The following TCTN1 variants were observed in gnomAD, a reference collection of about 807,000 sequenced individuals.
The protein encoded by TCTN1 is tectonic family member 1.
A neutral mutation model predicts 65.8 loss-of-function variants in TCTN1; 58 were observed. The observed-to-expected ratio is 0.88, with a 90% CI of 0.71 to 1.10. The LOEUF (loss-of-function observed/expected upper bound fraction) is 1.10, where lower values mean the gene tolerates loss of function less well. Ranked by LOEUF, TCTN1 falls within the 50% of genes least tolerant of loss-of-function variation. The probability of loss-of-function intolerance (pLI) is 0.00; values close to 1 mark genes in which losing one functional copy is unlikely to be tolerated. For synonymous variants in TCTN1, 273 were observed against 289.1 expected, an observed-to-expected ratio of 0.94 and a Z score of 0.57; for missense variants, 645 against 719.4, an observed-to-expected ratio of 0.90 and a Z score of 1.18.
rs1172676760 is a variant in TCTN1 at position 110,626,551 on chromosome 12, G to T, written c.472+59G>T. 1.1e-5 allele frequency: 16 copies of T among 1,498,606 alleles called. No individual in the cohort carries two copies. The Admixed American group carries it at 2.3e-4, about 21-fold the overall frequency. 92.8% of individuals were successfully genotyped at this position (1,498,606 alleles called of 1,614,324 possible). On this transcript the variant is annotated intron_variant, in intron 3 of 14. Coordinates refer to ENST00000397659, the MANE Select transcript of TCTN1 (RefSeq NM_001082538.3). Reference sequence around the variant, plus strand: ...TCTGGAAAATTTTTCTCAAAGTTATGGAAAAATGTGTCAGATTTATTTTAT... The same window carrying T: ...TCTGGAAAATTTTTCTCAAAGTTATTGAAAAATGTGTCAGATTTATTTTAT...
At chr12:110,638,612 G>C (rs2066741089) in intron 7 of TCTN1, among the ~76,000 whole-genome samples, 1 of 152,174 alleles carries the variant, frequency 6.6e-6, no homozygotes, top group African/African-American at 2.4e-5. Flanking sequence ...CAGCGCTACT[G>C]TTTCCTTCTC....
rs150184643 is a variant in TCTN1, at chr12:110,639,035, G to A, written c.844-1348G>A. On this transcript the variant is annotated intron_variant, in intron 7 of 14. Coordinates refer to ENST00000397659, the MANE Select transcript of TCTN1 (RefSeq NM_001082538.3). This position sits in a 1 kb window ranked among gnomAD's most constrained non-coding sequence, Gnocchi z 4.9. ...TTTCTTCTATGAGAGGTTTTGACTC[G>A]CAGGTCTTCTTGGTCATGGGAGCAG... Among the ~76,000 whole-genome samples, 6 of 152,274 alleles carry A rather than the reference G, an allele frequency of 3.9e-5. No homozygotes were observed. The highest frequency in any genetic ancestry group is 1.9e-4 in the East Asian group (1 of 5,182).
rs1026432762 is a variant in TCTN1, at chr12:110,645,326, G to A, written c.1494+197G>A. ...AGCAGTTTTATGGCTTTGAGCCTCT[G>A]TTTTCATCTGTGAAATGGGAACGCT... On this transcript the variant is annotated intron_variant, in intron 12 of 14. Coordinates refer to ENST00000397659, the MANE Select transcript of TCTN1 (RefSeq NM_001082538.3). 1.4e-5 allele frequency: 9 copies of A among 640,902 alleles called. No homozygotes were observed. In the African/African-American group the frequency reaches 1.5e-4, roughly 10 times the overall value. 39.7% of individuals were successfully genotyped at this position (640,902 alleles called of 1,614,324 possible).
intron 4 of TCTN1, chr12:110,630,199 C>T (rs1388160639): frequency 6.6e-6 from 1 of 152,070 alleles, no homozygotes; most frequent in Non-Finnish European, 1.5e-5. Context: ...GTTCTGCACC[C>T]GTTATCCCAG....
intron 14 of TCTN1, among the ~76,000 whole-genome samples, 160 bp downstream of exon 14, chr12:110,648,053 C>T (rs1456702356): frequency 2.0e-5 from 3 of 152,218 alleles, no homozygotes; most frequent in South Asian, 4.2e-4. Context: ...CTCACTGCAG[C>T]CTTGACCTCC....
rs1038407562 is a variant in TCTN1, at chr12:110,639,769, G to A, written c.844-614G>A. On this transcript the variant is annotated intron_variant, in intron 7 of 14. Transcript: ENST00000397659. This position sits in a 1 kb window ranked among gnomAD's most constrained non-coding sequence, Gnocchi z 4.9. ...TTGTGCAACCATCACCACTAATTCCGGAACATTTCCATCACCCCAAAAAGG... is the reference window on the plus strand; with the variant it reads ...TTGTGCAACCATCACCACTAATTCCAGAACATTTCCATCACCCCAAAAAGG... Among the ~76,000 whole-genome samples the A allele has an allele frequency of 3.9e-5, 6 of 152,172 alleles. No individual in the cohort carries two copies. The highest frequency in any genetic ancestry group is 1.2e-4 in the African/African-American group (5 of 41,494).
rs930506676 is a variant in TCTN1 at position 110,644,716 on chromosome 12, C to A, written c.1332-251C>A. 3 of 527,494 alleles carry A rather than the reference C, an allele frequency of 5.7e-6. No individual in the cohort carries two copies. The highest frequency in any genetic ancestry group is 3.8e-5 in the African/African-American group (2 of 52,050). The allele number at this position is 527,494 out of a possible 1,614,324, so 32.7% of individuals were successfully genotyped here. ...AAACCAAAAATCAAAACTTAAAAAA[C>A]AAAAAACTGCTGGTGGGCTGGGTGT... On this transcript the variant is annotated intron_variant, in intron 11 of 14. Coordinates refer to ENST00000397659, the MANE Select transcript of TCTN1 (RefSeq NM_001082538.3). The surrounding 1 kb of genome is among the most constrained non-coding windows in gnomAD (Gnocchi z 4.6).
At chr12:110,620,828 T>A (rs1448581562) in intron 2 of TCTN1, among the ~76,000 whole-genome samples, 11 of 148,710 alleles carry the variant, frequency 7.4e-5, no homozygotes, top group African/African-American at 1.2e-4. Context: ...TTTTTTTTTT[T>A]ATGAGATGGA....
intron 4 of TCTN1, chr12:110,629,321 G>A (rs746227792): frequency 4.7e-6 from 1 of 212,198 alleles, no homozygotes; most frequent in Non-Finnish European, 9.3e-6. Flanking sequence ...CCTACAGAAT[G>A]GGAAAAAATT....
chr12:110,614,446 C>G (rs576724927), intron 1 of TCTN1, 44 bp downstream of exon 1: 3 of 1,563,236 alleles, frequency 1.9e-6, no homozygotes, highest in African/African-American at 2.7e-5. Context: ...GTGATCCAAC[C>G]TCAAGGGGAC....
In TCTN1 at chr12:110,640,477, A is replaced by C. The variant is rs781101415; in HGVS notation, c.938A>C (p.Asn313Thr). 6.2e-7 allele frequency: 1 copy of C among 1,614,218 alleles called. No homozygotes were observed. Among genetic ancestry groups the C allele is most frequent in the Non-Finnish European group, 8.5e-7 (1 of 1,180,052 alleles). The change falls in exon 8 of 15, where the codon AAC (asparagine) becomes ACC (threonine). Residue 313 changes from asparagine (N) to threonine (T), a missense_variant. Coordinates refer to ENST00000397659, the MANE Select transcript of TCTN1 (RefSeq NM_001082538.3). This position sits in a 1 kb window ranked among gnomAD's most constrained non-coding sequence, Gnocchi z 4.9. ...DTDVLQPTLV[N>T]AGHFSLCVNV... ...GATGTGCTGCAGCCGACTCTCGTCA[A>C]CGCTGGACACTTTAGCCTTTGCGTG...
rs2066881916 is a variant in TCTN1 at position 110,640,462 on chromosome 12, A to G, written c.923A>G (p.Gln308Arg). ...LTRREDTDVL[Q>R]PTLVNAGHFS... The stretch of plus-strand genomic sequence containing the variant: ...CGACGGGAGGACACTGATGTGCTGC[A>G]GCCGACTCTCGTCAACGCTGGACAC... The change falls in exon 8 of 15, where the codon CAG (glutamine) becomes CGG (arginine). Residue 308 changes from glutamine to arginine, a missense_variant. Transcript: ENST00000397659. This position sits in a 1 kb window ranked among gnomAD's most constrained non-coding sequence, Gnocchi z 4.9. The G allele has an allele frequency of 6.2e-7, 1 of 1,614,124 alleles. No individual in the cohort carries two copies. The highest frequency in any genetic ancestry group is 1.7e-5 in the Admixed American group (1 of 60,012).
chr12:110,645,168 C>T (rs2067214380), intron 12 of TCTN1, 39 bp downstream of exon 12: 1 of 1,610,796 alleles, frequency 6.2e-7, no homozygotes. Flanking sequence ...CTAGTGGTCT[C>T]TGTCTTCCAG....
chr12:110,627,894 T>C (rs1447648903), intron 3 of TCTN1: 22 of 658,586 alleles, frequency 3.3e-5, no homozygotes, highest in Non-Finnish European at 5.2e-5. Context: ...AATATCTTTA[T>C]AGATTTTGGT....
chr12:110,614,304 C>A lies in TCTN1; in HGVS notation c.122C>A (p.Ala41Asp). The change falls in exon 1 of 15, where the codon GCC becomes GAC. Residue 41 changes from alanine to aspartate, a missense_variant. Transcript: ENST00000397659. ...GAGGGCCTCAACTCCACCGAGGCAG[C>A]CCTGGCCACCTTCGGAACTTTCCCG... ...TTEGLNSTEAALATFGTFPST... is the reference protein window; with the variant it reads ...TTEGLNSTEADLATFGTFPST... The A allele has an allele frequency of 6.2e-7, 1 of 1,601,594 alleles. No individual in the cohort carries two copies. The highest frequency in any genetic ancestry group is 1.1e-5 in the South Asian group (1 of 88,968).
At chr12:110,648,720 T>A (rs1473770676) in intron 14 of TCTN1, 1 of 247,948 alleles carries the variant, frequency 4.0e-6, no homozygotes, top group Non-Finnish European at 7.8e-6. Context: ...TGTAGCTAGC[T>A]TGCTCTCCGA....
chr12:110,619,515 A>G (rs2065272161), intron 1 of TCTN1, among the ~76,000 whole-genome samples: 1 of 152,158 alleles, frequency 6.6e-6, no homozygotes, highest in South Asian at 2.1e-4. Context: ...AAACTTGTCT[A>G]ATTATAAGCA....
chr12:110,614,483 A>G lies in TCTN1; in HGVS notation c.220+81A>G, dbSNP rs1211294936. 2.6e-6 allele frequency: 4 copies of G among 1,546,798 alleles called. No homozygotes were observed. The South Asian group carries it at 3.6e-5, about 14-fold the overall frequency. On this transcript the variant is annotated intron_variant, in intron 1 of 14. Coordinates refer to ENST00000397659, the MANE Select transcript of TCTN1 (RefSeq NM_001082538.3). ...GCCCCGGTGAGGACGTAATAATGAT[A>G]GCTAACTCTTATTGAGCACTTACTG...
rs1273614489 is a variant in TCTN1 at position 110,644,857 on chromosome 12, C to A, written c.1332-110C>A. 4 of 1,442,634 alleles carry A rather than the reference C, an allele frequency of 2.8e-6. No individual in the cohort carries two copies. The highest frequency in any genetic ancestry group is 1.1e-5 in the South Asian group (1 of 87,182). The allele number at this position is 1,442,634 out of a possible 1,614,324, so 89.4% of individuals were successfully genotyped here. On this transcript the variant is annotated intron_variant, in intron 11 of 14. Coordinates refer to ENST00000397659, the MANE Select transcript of TCTN1 (RefSeq NM_001082538.3). The surrounding 1 kb of genome is among the most constrained non-coding windows in gnomAD (Gnocchi z 4.6). The stretch of plus-strand genomic sequence containing the variant: ...CTCCAGCTTGGGCATCAGAGTGAGA[C>A]CTTATCTCAAAAATAAATAAACAAA...
Sources: allele counts gnomAD v4.1 joint callset (sites outside exome capture counted in the v4.1 genomes callset), GRCh38; gene constraint gnomAD v4.1.1; non-coding constraint Gnocchi (gnomAD v3.1); transcripts MANE v1.5; gene names NCBI Gene and HGNC (gene_info 2026-07-23, HGNC 2026-07-21).